Variants in RGL1 observed in about 807,000 individuals in gnomAD.
RGL1 encodes ral guanine nucleotide dissociation stimulator-like 1.
Under a neutral mutation model 95.2 loss-of-function variants are expected in RGL1, and 24 were observed. That is an observed-to-expected ratio of 0.25 (90% confidence interval 0.18 to 0.35). The LOEUF (loss-of-function observed/expected upper bound fraction) is 0.35, where lower values mean the gene tolerates loss of function less well. Among genes scored for constraint, RGL1 ranks in the 10% least tolerant of loss-of-function variants. The probability of loss-of-function intolerance (pLI) is 1.00; values close to 1 mark genes in which losing one functional copy is unlikely to be tolerated. For missense variants in RGL1, 715 were observed against 936.3 expected, an observed-to-expected ratio of 0.76 and a Z score of 3.08; for synonymous variants, 329 against 344.9, an observed-to-expected ratio of 0.95 and a Z score of 0.51.
upstream of RGL1, among the ~76,000 whole-genome samples, chr1:183,803,709 G>A (rs1300368252): frequency 1.3e-5 from 2 of 152,288 alleles, no homozygotes; most frequent in East Asian, 3.9e-4. Context: ...TAATCTTACA[G>A]GTTGTTTAAC....
At chr1:183,784,724 G>A (rs1926831) in intron 2 of RGL1, among the ~76,000 whole-genome samples, 152,069 of 152,314 alleles carry the variant, frequency 1, 75,913 homozygotes, top group East Asian at 1. Context: ...CTTATTTAGT[G>A]GGCAAAAGGA....
intron 1 of RGL1, among the ~76,000 whole-genome samples, chr1:183,695,985 T>G (rs10911416): frequency 0.085 from 12,926 of 152,260 alleles, 1,028 homozygotes; most frequent in African/African-American, 0.21. Context: ...ATCAGACACT[T>G]GAGAAATTAT....
chr1:183,759,545 G>A (rs1658540679), intron 2 of RGL1, among the ~76,000 whole-genome samples: 1 of 152,140 alleles, frequency 6.6e-6, no homozygotes, highest in South Asian at 2.1e-4. Context: ...CAGTTGTAAA[G>A]TTTTTAAAGA....
At chr1:183,798,922 C>T (rs574852404) in intron 2 of RGL1, among the ~76,000 whole-genome samples, 146 of 147,846 alleles carry the variant, frequency 9.9e-4, no homozygotes, top group African/African-American at 3.4e-3. Context: ...GCTCTGTCGC[C>T]CAGGCTGAGT....
At chr1:183,857,658 G>A (rs7550807) in intron 3 of RGL1, among the ~76,000 whole-genome samples, 20,422 of 152,240 alleles carry the variant, frequency 0.13, 1,773 homozygotes, top group Middle Eastern at 0.26. Context: ...AACTATGCCA[G>A]TTACTTTGGA....
chr1:183,783,590 C>G (rs956534006), intron 2 of RGL1, among the ~76,000 whole-genome samples: 2 of 152,186 alleles, frequency 1.3e-5, no homozygotes, highest in Admixed American at 6.5e-5. Flanking sequence ...AGCCAAGTCT[C>G]TCTTTCCTGC....
rs1558148453 is a variant in RGL1 at position 183,677,083 on chromosome 1, C to T, written c.-33+40582C>T. ...GTGTGATTATATGTCCCATTGTGCC[C>T]AGGGTAGCCCTAGTTTTTACCTATT... On this transcript the variant is annotated intron_variant, in intron 1 of 18. Transcript: ENST00000304685. Among the ~76,000 whole-genome samples, 4 of 151,782 alleles carry T rather than the reference C, an allele frequency of 2.6e-5. No individual in the cohort carries two copies. The East Asian group carries it at 7.8e-4, about 30-fold the overall frequency.
intron 1 of RGL1, among the ~76,000 whole-genome samples, chr1:183,692,693 C>T (rs1014640699): frequency 3.3e-5 from 5 of 152,078 alleles, no homozygotes; most frequent in Admixed American, 6.5e-5. Flanking sequence ...TAAACAATAG[C>T]ATTATGAAGG....
intron 9 of RGL1, among the ~76,000 whole-genome samples, chr1:183,893,488 A>G (rs542854940): frequency 1.8e-4 from 28 of 152,368 alleles, no homozygotes; most frequent in African/African-American, 6.5e-4. Context: ...AAATAAATAG[A>G]GAATAAGCTG....
chr1:183,884,911 C>T lies in RGL1; in HGVS notation c.924C>T (p.Ile308=), dbSNP rs747921160. Residue 308 remains isoleucine (I), a synonymous_variant, in exon 7 of 18, where the codon ATC becomes ATT. Transcript: ENST00000360851. Reference sequence around the variant, plus strand: ...TCAAAACTCAGCAGAGAGCCAAAATCATTGAGAAGTGGATCAACATCGCTC... The same window carrying T: ...TCAAAACTCAGCAGAGAGCCAAAATTATTGAGAAGTGGATCAACATCGCTC... The part of the protein sequence containing the change: ...KELKTQQRAK[I]IEKWINIAHE... The T allele has an allele frequency of 6.2e-7, 1 of 1,614,060 alleles. No individual in the cohort carries two copies. Among genetic ancestry groups the T allele is most frequent in the Non-Finnish European group, 8.5e-7 (1 of 1,179,952 alleles).
At chr1:183,681,254 G>C (rs1653192445) in intron 1 of RGL1, among the ~76,000 whole-genome samples, 1 of 152,182 alleles carries the variant, frequency 6.6e-6, no homozygotes, top group East Asian at 1.9e-4. Context: ...TCTTGTGCCT[G>C]TTTTCAAAGG....
In RGL1 at chr1:183,806,688, G is replaced by C. The variant is rs114868253; in HGVS notation, c.138+203G>C. Among the ~76,000 whole-genome samples, 502 of 151,948 alleles carry C rather than the reference G, an allele frequency of 3.3e-3. 2 individuals are homozygous for C. The highest frequency in any genetic ancestry group is 0.012 in the African/African-American group (486 of 41,432). On this transcript the variant is annotated intron_variant, in intron 2 of 17. Transcript: ENST00000360851. ...TTTCAAAAGCATCTTCCCTAGGTTTGTCAATAATTCAGAACCTCTTAGAAA... is the reference window on the plus strand; with the variant it reads ...TTTCAAAAGCATCTTCCCTAGGTTTCTCAATAATTCAGAACCTCTTAGAAA...
At chr1:183,822,845 C>A (rs1662584242) in intron 2 of RGL1, among the ~76,000 whole-genome samples, 1 of 152,158 alleles carries the variant, frequency 6.6e-6, no homozygotes, top group Admixed American at 6.5e-5. Context: ...GGGGTGATTT[C>A]CTATGTCTCA....
intron 4 of RGL1, among the ~76,000 whole-genome samples, chr1:183,874,766 C>A (rs1346317995): frequency 2.0e-5 from 3 of 152,156 alleles, no homozygotes; most frequent in South Asian, 2.1e-4. Flanking sequence ...AGGAAAAAAA[C>A]AAAGAGGAAA....
chr1:183,649,021 A>G (rs2101993373), intron 1 of RGL1, among the ~76,000 whole-genome samples: 1 of 152,348 alleles, frequency 6.6e-6, no homozygotes, highest in South Asian at 2.1e-4. Flanking sequence ...CTTCAACTTT[A>G]CCTGTTTCAT....
chr1:183,797,638 C>T (rs571042189), intron 2 of RGL1, among the ~76,000 whole-genome samples: 6 of 152,288 alleles, frequency 3.9e-5, no homozygotes, highest in Admixed American at 2.0e-4. Flanking sequence ...ATGGAAGCAA[C>T]GGCTTACTGG....
At chr1:183,843,959 C>T (rs180935190) in intron 2 of RGL1, among the ~76,000 whole-genome samples, 1 of 152,268 alleles carries the variant, frequency 6.6e-6, no homozygotes, top group Admixed American at 6.5e-5. Context: ...TCCTGAGTAG[C>T]TGAGACTACA....
intron 1 of RGL1, among the ~76,000 whole-genome samples, chr1:183,637,650 G>A (rs1327203773): frequency 6.6e-6 from 1 of 152,168 alleles, no homozygotes; most frequent in Non-Finnish European, 1.5e-5. Context: ...TTGGGAAGAA[G>A]CAATGTGGTG....
intron 3 of RGL1, among the ~76,000 whole-genome samples, chr1:183,855,594 G>T (rs1027588716): frequency 6.6e-6 from 1 of 152,134 alleles, no homozygotes; most frequent in Admixed American, 6.5e-5. Context: ...CAGGTCCAAG[G>T]AAAGGAAGTT....
Sources: allele counts gnomAD v4.1 joint callset (sites outside exome capture counted in the v4.1 genomes callset), GRCh38; gene constraint gnomAD v4.1.1; transcripts MANE v1.5; gene names NCBI Gene and HGNC (gene_info 2026-07-23, HGNC 2026-07-21).